SCAI: variants seen among roughly 807,000 people sequenced by gnomAD.
SCAI encodes the protein suppressor of cancer cell invasion.
In SCAI, 24 loss-of-function variants were observed where a neutral mutation model predicts 92.2. The ratio of observed to expected loss-of-function variants is 0.26; its 90% CI spans 0.19 to 0.37. SCAI has a LOEUF of 0.37. Ranked by LOEUF, SCAI falls within the 10% of genes least tolerant of loss-of-function variation. SCAI has a pLI of 1.00. For synonymous variants in SCAI, 261 were observed against 258.6 expected (o/e 1.01, Z -0.09); for missense variants, 450 against 736.2 (o/e 0.61, Z 4.50).
At chr9:125,099,128 A>G (rs1371014048) in intron 2 of SCAI, among the ~76,000 whole-genome samples, 1 of 152,192 alleles carries the variant, frequency 6.6e-6, no homozygotes, top group Non-Finnish European at 1.5e-5. Flanking sequence ...TTTATTTCTG[A>G]TACTGTTAGC....
At chr9:125,113,623 T>C (rs1834973048) in intron 2 of SCAI, among the ~76,000 whole-genome samples, 1 of 151,866 alleles carries the variant, frequency 6.6e-6, no homozygotes, top group South Asian at 2.1e-4. Flanking sequence ...TCTTGTGTTA[T>C]ATGATCATTA....
chr9:125,127,405 ATTTT>A (rs11399082), intron 2 of SCAI, among the ~76,000 whole-genome samples: 1 of 140,822 alleles, frequency 7.1e-6, no homozygotes, highest in Non-Finnish European at 1.5e-5. Context: ...CCAGGGCAGA[ATTTT>A]TTTTTTTTTT....
Position 124,952,107 on chromosome 9 carries a change from CCTTTTT to C in SCAI, c.*694_*699del, listed in dbSNP as rs2131566677. 6.6e-6 allele frequency: 1 copy of C among 152,258 alleles called. No homozygotes were observed. Among genetic ancestry groups the C allele is most frequent in the African/African-American group, 2.4e-5 (1 of 41,550 alleles). 9.4% of individuals were successfully genotyped at this position (152,258 alleles called of 1,614,324 possible). ...TGACTAAAATATTTCAAAGTTGTTT[CCTTTTT>C]CATTTCCAGCATTCACAGACTACAA... On this transcript the variant is annotated 3_prime_UTR_variant, in exon 18 of 18. Transcript: ENST00000336505.
At chr9:124,975,376 G>C (rs1368073031) in intron 15 of SCAI, 5 of 456,514 alleles carry the variant, frequency 1.1e-5, no homozygotes, top group Admixed American at 7.1e-5. Context: ...ATCTCCCACA[G>C]AGAGACATCA....
At chr9:125,131,172 G>A (rs1405748630) in intron 2 of SCAI, among the ~76,000 whole-genome samples, 10 of 151,478 alleles carry the variant, frequency 6.6e-5, no homozygotes, top group Admixed American at 2.0e-4. Flanking sequence ...TTGGGAGGCC[G>A]AGGCGGGTGG....
chr9:125,048,993 C>A (rs767375282), intron 3 of SCAI, among the ~76,000 whole-genome samples: 2 of 152,076 alleles, frequency 1.3e-5, no homozygotes, highest in African/African-American at 2.4e-5. Context: ...GATCTGCCTG[C>A]CTCAGCCTCC....
intron 2 of SCAI, among the ~76,000 whole-genome samples, chr9:125,135,972 A>C (rs1434979212): frequency 3.2e-4 from 31 of 96,570 alleles, no homozygotes; most frequent in Non-Finnish European, 5.2e-4. Flanking sequence ...CATCTCAAAC[A>C]AAAAAAAAAA....
chr9:125,071,354 T>G (rs1258548270), intron 2 of SCAI, among the ~76,000 whole-genome samples: 1 of 152,084 alleles, frequency 6.6e-6, no homozygotes, highest in Non-Finnish European at 1.5e-5. Context: ...AACATGACTG[T>G]GCCACTGCAC....
At chr9:124,957,231 G>C (rs1831331036) in intron 17 of SCAI, among the ~76,000 whole-genome samples, 1 of 151,996 alleles carries the variant, frequency 6.6e-6, no homozygotes, top group Admixed American at 6.6e-5. Flanking sequence ...GGGATCAAGT[G>C]ATCTGCCTGC....
rs145024201 is a variant in SCAI at position 125,099,991 on chromosome 9, T to C, written c.98+42642A>G. On this transcript the variant is annotated intron_variant, in intron 2 of 17. Transcript: ENST00000336505. Reference sequence around the variant, plus strand: ...TTTTGGCCATTGTGAATAATGCTGCTACTAACCTTGGTGTACCAATCTGTT... The same window carrying C: ...TTTTGGCCATTGTGAATAATGCTGCCACTAACCTTGGTGTACCAATCTGTT... Among the ~76,000 whole-genome samples, 982 of 152,380 alleles carry C rather than the reference T, an allele frequency of 6.4e-3. 12 individuals are homozygous for C. The highest frequency in any genetic ancestry group is 0.022 in the African/African-American group (919 of 41,590).
intron 2 of SCAI, among the ~76,000 whole-genome samples, chr9:125,134,371 C>T (rs1237813176): frequency 6.6e-6 from 1 of 152,154 alleles, no homozygotes; most frequent in Non-Finnish European, 1.5e-5. Context: ...CAACAACGGC[C>T]ACCTCACTCA....
chr9:124,969,396 A>C (rs2131586287), intron 17 of SCAI, among the ~76,000 whole-genome samples: 1 of 152,360 alleles, frequency 6.6e-6, no homozygotes, highest in African/African-American at 2.4e-5. Flanking sequence ...TAATGGCTAA[A>C]ATATTTAAAA....
chr9:125,044,464 G>A (rs1371103180), intron 3 of SCAI, among the ~76,000 whole-genome samples: 1 of 151,946 alleles, frequency 6.6e-6, no homozygotes, highest in Non-Finnish European at 1.5e-5. Context: ...ACTACTACAG[G>A]TCTCCTCTCT....
Position 125,018,840 on chromosome 9 carries a change from A to G in SCAI, c.820T>C (p.Ser274Pro), listed in dbSNP as rs770995108. The stretch of plus-strand genomic sequence containing the variant: ...CCAATAATGAGTGCGTCAGCCAGAG[A>G]CAACTGTCCCACAATCATGCCCTGT... ...LEQGMIVGQLSLADALIIGNC... is the reference protein window; with the variant it reads ...LEQGMIVGQLPLADALIIGNC... The change falls in exon 9 of 18, where the codon TCT becomes CCT. Residue 274 changes from serine to proline, a missense_variant. This residue lies in a region of SCAI where 360 missense variants were observed against 601.8 expected (regional missense o/e 0.60). Coordinates refer to ENST00000336505, the MANE Select transcript of SCAI (RefSeq NM_001144877.3). 6.2e-7 allele frequency: 1 copy of G among 1,613,470 alleles called. No individual in the cohort carries two copies. The highest frequency in any genetic ancestry group is 1.1e-5 in the South Asian group (1 of 90,874).
At chr9:125,101,016 G>A (rs983855562) in intron 2 of SCAI, among the ~76,000 whole-genome samples, 12 of 152,118 alleles carry the variant, frequency 7.9e-5, no homozygotes, top group African/African-American at 2.9e-4. Context: ...CTTGAGTCCA[G>A]GAGTTTGAAT....
chr9:124,967,372 A>G (rs1343634940), intron 17 of SCAI, among the ~76,000 whole-genome samples: 1 of 152,196 alleles, frequency 6.6e-6, no homozygotes, highest in Non-Finnish European at 1.5e-5. Flanking sequence ...ACAGATGGGA[A>G]AGCAGAGGCT....
At position 125,004,759 on chromosome 9, in the gene SCAI, ATATATATATATATATATATAT is replaced by A. The variant is rs1281163274; in HGVS notation, c.862-1210_862-1190del. On this transcript the variant is annotated intron_variant, in intron 9 of 17. Coordinates refer to ENST00000336505, the MANE Select transcript of SCAI (RefSeq NM_001144877.3). The stretch of plus-strand genomic sequence containing the variant: ...CATATATATATATATATATATATAT[ATATATATATATATATATATAT>A]TTTTTTTTTTTTTTTTTTTTTTTTT... 9.5e-3 allele frequency among the ~76,000 whole-genome samples: 93 copies of A among 9,840 alleles called. 4 individuals carry two copies. The highest frequency in any genetic ancestry group is 0.017 in the Non-Finnish European group (81 of 4,832). 6.5% of individuals were successfully genotyped at this position (9,840 alleles called of 152,430 possible).
At chr9:125,073,961 A>G (rs78364028) in intron 2 of SCAI, among the ~76,000 whole-genome samples, 1 of 150,838 alleles carries the variant, frequency 6.6e-6, no homozygotes, top group Non-Finnish European at 1.5e-5. Flanking sequence ...TTTTTTTTAA[A>G]CATAGAGTTG....
chr9:125,100,785 T>C (rs953739577), intron 2 of SCAI, among the ~76,000 whole-genome samples: 1 of 152,126 alleles, frequency 6.6e-6, no homozygotes, highest in Admixed American at 6.5e-5. Context: ...AGATGACATC[T>C]AAGCAAAAAT....
Sources: gnomAD v4.1 joint callset for allele counts (sites outside exome capture counted in the v4.1 genomes callset) on GRCh38, gnomAD v4.1.1 for gene constraint, gnomAD v4.1.1 regional missense constraint, MANE v1.5 for transcripts, NCBI Gene and HGNC (gene_info 2026-07-23, HGNC 2026-07-21) for gene names.